Variants in ALDH5A1 observed in about 807,000 individuals in gnomAD.
ALDH5A1 encodes the protein succinate-semialdehyde dehydrogenase, mitochondrial.
A neutral mutation model predicts 54.7 loss-of-function variants in ALDH5A1; 33 were observed. The observed-to-expected ratio is 0.60, with a 90% CI of 0.46 to 0.81. The LOEUF (loss-of-function observed/expected upper bound fraction) is 0.81, where lower values mean the gene tolerates loss of function less well. Ranked by LOEUF, ALDH5A1 falls within the 30% of genes least tolerant of loss-of-function variation. The pLI, the probability that ALDH5A1 is intolerant of heterozygous loss-of-function variation, is 0.00. For synonymous variants in ALDH5A1, 294 were observed against 292.7 expected (o/e 1.00, Z -0.05); for missense variants, 657 against 711.0 (o/e 0.92, Z 0.86).
chr6:24,497,379 A>G (rs1321275424), intron 1 of ALDH5A1, among the ~76,000 whole-genome samples: 1 of 151,808 alleles, frequency 6.6e-6, no homozygotes, highest in Non-Finnish European at 1.5e-5. Context: ...GTATTTTACA[A>G]TCCTCTTGCT....
At chr6:24,532,080 C>A in intron 8 of ALDH5A1, 39 bp from the exon 9 acceptor site, 2 of 1,585,670 alleles carry the variant, frequency 1.3e-6, no homozygotes, top group Non-Finnish European at 1.7e-6. Flanking sequence ...CCTTTCCTCT[C>A]CCCCTTACAT....
At chr6:24,523,004 C>G in intron 7 of ALDH5A1, 79 bp downstream of exon 7, 7 of 623,508 alleles carry the variant, frequency 1.1e-5, no homozygotes, top group East Asian at 6.1e-5. Flanking sequence ...AACACTTTGG[C>G]TGGAGGGGTG....
intron 1 of ALDH5A1, among the ~76,000 whole-genome samples, chr6:24,501,929 G>C (rs1383302029): frequency 1.4e-5 from 2 of 146,316 alleles, no homozygotes; most frequent in Non-Finnish European, 1.5e-5. Flanking sequence ...ATATATATAT[G>C]TGTGTGTGTG....
intron 1 of ALDH5A1, 82 bp downstream of exon 1, chr6:24,495,432 C>A: frequency 7.3e-7 from 1 of 1,366,174 alleles, no homozygotes; most frequent in Non-Finnish European, 9.9e-7. Context: ...AAAGTGACAC[C>A]AGCCGCGTCG....
chr6:24,517,346 T>C (rs1356163663), intron 5 of ALDH5A1, among the ~76,000 whole-genome samples: 1 of 152,214 alleles, frequency 6.6e-6, no homozygotes, highest in Non-Finnish European at 1.5e-5. Context: ...ATAATCACTT[T>C]TGTCATGCTA....
intron 1 of ALDH5A1, among the ~76,000 whole-genome samples, chr6:24,497,489 A>G (rs1111013): frequency 0.3 from 46,260 of 151,714 alleles, 8,632 homozygotes; most frequent in Non-Finnish European, 0.42. Flanking sequence ...GCATTTTACA[A>G]TCCTCTTGCT....
intron 4 of ALDH5A1, among the ~76,000 whole-genome samples, chr6:24,506,288 C>G (rs1231828169): frequency 2.7e-5 from 2 of 74,840 alleles, no homozygotes; most frequent in Non-Finnish European, 5.5e-5. Flanking sequence ...CAGTCTCGCT[C>G]TGTCACCCAG....
intron 4 of ALDH5A1, among the ~76,000 whole-genome samples, chr6:24,507,604 C>T (rs1040255635): frequency 6.6e-6 from 1 of 151,832 alleles, no homozygotes; most frequent in Non-Finnish European, 1.5e-5. Flanking sequence ...TGTTTTATAT[C>T]TCTATAAAGT....
intron 7 of ALDH5A1, among the ~76,000 whole-genome samples, chr6:24,526,154 TTGTGTG>T (rs4646847): frequency 6.6e-6 from 1 of 151,688 alleles, no homozygotes; most frequent in Non-Finnish European, 1.5e-5. Context: ...AACCCAGTCC[TTGTGTG>T]TGTGTGTGTC....
At chr6:24,495,468 G>C in intron 1 of ALDH5A1, 118 bp downstream of exon 1, 8 of 1,012,648 alleles carry the variant, frequency 7.9e-6, no homozygotes, top group South Asian at 3.3e-5. Context: ...CAGTTCCCCA[G>C]GGTATACAAA....
At chr6:24,528,969 G>A (rs1429203658) in intron 8 of ALDH5A1, among the ~76,000 whole-genome samples, 2 of 152,010 alleles carry the variant, frequency 1.3e-5, no homozygotes, top group Admixed American at 1.3e-4. Context: ...GAACCACCGT[G>A]CTCAGACCTG....
At position 24,535,657 on chromosome 6, in the gene ALDH5A1, C is replaced by T. The variant is rs1410023261; in HGVS notation, c.*1945C>T. The T allele has an allele frequency of 1.3e-5, 2 of 151,946 alleles. No homozygotes were observed. Among genetic ancestry groups the T allele is most frequent in the Non-Finnish European group, 2.9e-5 (2 of 68,046 alleles). 9.4% of individuals were successfully genotyped at this position (151,946 alleles called of 1,614,324 possible). A position where few individuals can be genotyped will look rare whatever the true frequency, so the allele number is the denominator to read the frequency against. ...TGAAACCCCGTCTCTACTAAAAATA[C>T]AAAAAAAATTAGTCGGATGTGGTGG... is the stretch of plus-strand genomic sequence containing the variant. On this transcript the variant is annotated 3_prime_UTR_variant, in exon 10 of 10. Coordinates refer to ENST00000357578, the MANE Select transcript of ALDH5A1 (RefSeq NM_001080.3).
Position 24,501,799 on chromosome 6 carries a change from C to CA in ALDH5A1, c.355-718dup, listed in dbSNP as rs1426517438. 4.3e-4 allele frequency among the ~76,000 whole-genome samples: 64 copies of CA among 150,446 alleles called. 1 individual carries two copies. Among genetic ancestry groups the CA allele is most frequent in the Admixed American group, 2.6e-4 (4 of 15,132 alleles). On this transcript the variant is annotated intron_variant, in intron 1 of 9. Transcript: ENST00000357578. ...AGACCCTGTCTCAAAAACAAACAAT[C>CA]AAAAAACACAGAAGTTCAATGTATG... is the stretch of plus-strand genomic sequence containing the variant.
intron 4 of ALDH5A1, among the ~76,000 whole-genome samples, chr6:24,507,044 A>T (rs974441008): frequency 1.3e-5 from 2 of 152,184 alleles, no homozygotes; most frequent in Non-Finnish European, 2.9e-5. Context: ...TCTGTATTTT[A>T]AAATAGTTAT....
At chr6:24,514,293 G>A (rs533136997) in intron 4 of ALDH5A1, among the ~76,000 whole-genome samples, 2 of 152,300 alleles carry the variant, frequency 1.3e-5, no homozygotes, top group East Asian at 1.9e-4. Context: ...CCTAGTAGGT[G>A]CTCATTAAAT....
At chr6:24,496,436 G>C (rs1764706945) in intron 1 of ALDH5A1, among the ~76,000 whole-genome samples, 1 of 152,238 alleles carries the variant, frequency 6.6e-6, no homozygotes, top group African/African-American at 2.4e-5. Context: ...AGTGTGACCA[G>C]GCATATTCCT....
Position 24,536,071 on chromosome 6 carries a change from G to T in ALDH5A1, c.*2359G>T, listed in dbSNP as rs910366773. On this transcript the variant is annotated 3_prime_UTR_variant, in exon 10 of 10. Coordinates refer to ENST00000357578, the MANE Select transcript of ALDH5A1 (RefSeq NM_001080.3). ...TTGTTTAGTAAAATGGCCCTTGGTT[G>T]TGGGAAGAAAGAGAATTATTTTTAA... 2.0e-5 allele frequency: 3 copies of T among 152,140 alleles called. No homozygotes were observed. Among genetic ancestry groups the T allele is most frequent in the African/African-American group, 7.2e-5 (3 of 41,410 alleles). The allele number at this position is 152,140 out of a possible 1,614,324, so 9.4% of individuals were successfully genotyped here.
chr6:24,496,664 G>A (rs1418365552), intron 1 of ALDH5A1, among the ~76,000 whole-genome samples: 2 of 152,124 alleles, frequency 1.3e-5, no homozygotes, highest in Admixed American at 6.5e-5. Flanking sequence ...GTCTGTTCAC[G>A]CCCAAGTGAG....
intron 8 of ALDH5A1, among the ~76,000 whole-genome samples, chr6:24,529,678 T>TTG (rs1759891443): frequency 7.1e-6 from 1 of 140,112 alleles, no homozygotes; most frequent in South Asian, 2.3e-4. Context: ...GGGTTTTTTT[T>TTG]TTTTTTTTTT....
Sources: allele counts gnomAD v4.1 joint callset (sites outside exome capture counted in the v4.1 genomes callset), GRCh38; gene constraint gnomAD v4.1.1; transcripts MANE v1.5; gene names NCBI Gene and HGNC (gene_info 2026-07-23, HGNC 2026-07-21).